Variants in MTMR3 observed in about 807,000 individuals in gnomAD.
The protein encoded by MTMR3 is myotubularin related protein 3.
MTMR3 carries 32 observed loss-of-function variants against 132.4 expected under a neutral mutation model. The ratio of observed to expected loss-of-function variants is 0.24; its 90% CI spans 0.18 to 0.32. MTMR3 has a LOEUF of 0.32. MTMR3 is among the 10% of genes least tolerant of loss of function. The pLI, the probability that MTMR3 is intolerant of heterozygous loss-of-function variation, is 1.00. For missense variants in MTMR3, 1,216 were observed against 1,489.6 expected (o/e 0.82, Z 3.02); for synonymous variants, 556 against 550.3 (o/e 1.01, Z -0.14).
Position 30,003,061 on chromosome 22 carries a change from C to G in MTMR3, c.671+68C>G, listed in dbSNP as rs140452812. ...GCCTGCTGCATATGGTCTGCTGCCT[C>G]TGCTGCTGCTAACCTGGGAAGGGTG... On this transcript the variant is annotated intron_variant, in intron 9 of 19. Transcript: ENST00000401950. The G allele has an allele frequency of 3.7e-5, 45 of 1,227,586 alleles. No individual in the cohort carries two copies. In the African/African-American group the frequency reaches 6.5e-4, roughly 18 times the overall value. The allele number at this position is 1,227,586 out of a possible 1,614,324, so 76.0% of individuals were successfully genotyped here.
intron 1 of MTMR3, among the ~76,000 whole-genome samples, chr22:29,933,388 C>CTT (rs1348453967): frequency 1.3e-5 from 2 of 151,660 alleles, no homozygotes; most frequent in Non-Finnish European, 2.9e-5. Context: ...TTTGAGGATG[C>CTT]TTTTATATCC....
intron 2 of MTMR3, among the ~76,000 whole-genome samples, chr22:29,960,321 G>A (rs753983534): frequency 6.6e-6 from 1 of 152,146 alleles, no homozygotes; most frequent in Non-Finnish European, 1.5e-5. Context: ...TATTATATCA[G>A]TGTTAAATTT....
intron 1 of MTMR3, among the ~76,000 whole-genome samples, chr22:29,925,559 A>T (rs1257737499): frequency 6.5e-5 from 6 of 92,852 alleles, no homozygotes; most frequent in Non-Finnish European, 9.6e-5. Flanking sequence ...TGTTTTCTTT[A>T]AAAAAAAAAA....
At chr22:29,996,740 T>G (rs572767455) in intron 7 of MTMR3, 1 of 152,334 alleles carries the variant, frequency 6.6e-6, no homozygotes, top group Non-Finnish European at 1.5e-5. Flanking sequence ...TTTTCCCCTT[T>G]TTTTGAGACA....
chr22:30,002,022 T>C (rs1360425877), intron 8 of MTMR3: 1 of 152,152 alleles, frequency 6.6e-6, no homozygotes, highest in Non-Finnish European at 1.5e-5. Context: ...TGTTTTAGGA[T>C]TTGGATTAAA....
chr22:30,006,954 G>T, intron 9 of MTMR3, 160 bp from the exon 10 acceptor site: 1 of 651,304 alleles, frequency 1.5e-6, no homozygotes, highest in South Asian at 2.0e-5. Flanking sequence ...GTTCTTGTTG[G>T]TTGTGTAAGA....
chr22:30,007,079 A>T, intron 9 of MTMR3, 35 bp from the exon 10 acceptor site: 3 of 1,607,506 alleles, frequency 1.9e-6, no homozygotes, highest in South Asian at 2.2e-5. Flanking sequence ...GAGCATCTGA[A>T]TGGGTACAGT....
chr22:29,972,278 C>G (rs2066550909), intron 3 of MTMR3, among the ~76,000 whole-genome samples: 1 of 152,142 alleles, frequency 6.6e-6, no homozygotes, highest in Admixed American at 6.6e-5. Context: ...GAAAGCAGCT[C>G]TGTTCTGTAT....
intron 1 of MTMR3, among the ~76,000 whole-genome samples, chr22:29,933,822 C>T (rs1250773913): frequency 1.3e-5 from 2 of 151,900 alleles, no homozygotes; most frequent in East Asian, 3.9e-4. Context: ...CCTTCTGCCC[C>T]AGCCTCCCAA....
intron 5 of MTMR3, chr22:29,980,177 G>C (rs1231382171): frequency 6.6e-6 from 1 of 150,900 alleles, no homozygotes; most frequent in Non-Finnish European, 1.5e-5. Context: ...TTGTTCATTC[G>C]TTTTACTCAG....
rs537184225 is a variant in MTMR3 at position 29,890,063 on chromosome 22, C to T, written c.-138+6704C>T. Among the ~76,000 whole-genome samples the T allele has an allele frequency of 2.1e-4, 32 of 151,920 alleles. No individual in the cohort carries two copies. In the South Asian group the frequency reaches 5.2e-3, roughly 25 times the overall value. On this transcript the variant is annotated intron_variant, in intron 1 of 19. Transcript: ENST00000401950. Reference sequence around the variant, plus strand: ...CTGGGCGTACAGGCGCATGCCACCACGCCCGGCTAATTTTTTGTATTTTTA... The same window carrying T: ...CTGGGCGTACAGGCGCATGCCACCATGCCCGGCTAATTTTTTGTATTTTTA...
intron 1 of MTMR3, among the ~76,000 whole-genome samples, chr22:29,929,208 G>A (rs193194097): frequency 1.0e-3 from 155 of 152,124 alleles, no homozygotes; most frequent in Admixed American, 3.5e-3. Flanking sequence ...TTGAGCCTGG[G>A]AGGCAGAGGT....
intron 1 of MTMR3, among the ~76,000 whole-genome samples, chr22:29,926,233 T>A (rs1169856437): frequency 6.6e-6 from 1 of 152,252 alleles, no homozygotes. Context: ...TTAATTCCTT[T>A]TAATGGCTGA....
chr22:29,939,396 G>T (rs2065811777), intron 1 of MTMR3, among the ~76,000 whole-genome samples: 1 of 152,182 alleles, frequency 6.6e-6, no homozygotes, highest in African/African-American at 2.4e-5. Flanking sequence ...ATCTTGTAGA[G>T]ATAGACTTTT....
chr22:29,944,461 T>A (rs2065917143), intron 1 of MTMR3, among the ~76,000 whole-genome samples: 1 of 152,052 alleles, frequency 6.6e-6, no homozygotes, highest in Non-Finnish European at 1.5e-5. Flanking sequence ...AAGTCAGACT[T>A]TTACTTTTGT....
At chr22:30,006,371 T>A (rs935921583) in intron 9 of MTMR3, 3 of 152,182 alleles carry the variant, frequency 2.0e-5, no homozygotes, top group Non-Finnish European at 4.4e-5. Context: ...ACTCATGAAA[T>A]CTCAGGAGAT....
intron 14 of MTMR3, chr22:30,014,665 T>C (rs549238890): frequency 6.6e-6 from 1 of 152,288 alleles, no homozygotes; most frequent in East Asian, 1.9e-4. Flanking sequence ...CATGCCAAGA[T>C]GCCTGGCTAG....
At chr22:30,018,536 GT>G (rs1317848464) in intron 16 of MTMR3, 1 of 155,414 alleles carries the variant, frequency 6.4e-6, no homozygotes, top group Non-Finnish European at 1.4e-5. Context: ...GAGCCCAGGA[GT>G]TCCAGACCAG....
intron 18 of MTMR3, 111 bp from the exon 19 acceptor site, chr22:30,022,498 C>A: frequency 1.1e-6 from 1 of 883,660 alleles, no homozygotes; most frequent in Non-Finnish European, 1.8e-6. Flanking sequence ...TGGGCTGGTG[C>A]CACTGGAGCT....
Sources: allele counts gnomAD v4.1 joint callset (sites outside exome capture counted in the v4.1 genomes callset), GRCh38; gene constraint gnomAD v4.1.1; transcripts MANE v1.5; gene names NCBI Gene and HGNC (gene_info 2026-07-23, HGNC 2026-07-21).